The following LRRC4C variants were observed in gnomAD, a reference collection of about 807,000 sequenced individuals.
LRRC4C encodes leucine rich repeat containing 4C.
In LRRC4C, 5 loss-of-function variants were observed where a neutral mutation model predicts 33.6. The observed-to-expected ratio is 0.15, with a 90% CI of 0.08 to 0.31. The LOEUF (loss-of-function observed/expected upper bound fraction) is 0.31. LRRC4C is among the 10% of genes least tolerant of loss of function. The pLI is 1.00. For synonymous variants in LRRC4C, 329 were observed against 302.0 expected (o/e 1.09, Z -0.93); for missense variants, 560 against 796.7 (o/e 0.70, Z 3.58).
At chr11:41,130,826 G>T (rs932332011) in intron 1 of LRRC4C, among the ~76,000 whole-genome samples, 1 of 151,884 alleles carries the variant, frequency 6.6e-6, no homozygotes, top group Non-Finnish European at 1.5e-5. Flanking sequence ...TTACAAATTT[G>T]TTCCTCCACA....
chr11:40,940,998 A>C (rs2136588075), intron 1 of LRRC4C, among the ~76,000 whole-genome samples: 3 of 151,000 alleles, frequency 2.0e-5, no homozygotes, highest in African/African-American at 7.3e-5. Flanking sequence ...AAGATAATAT[A>C]TTTAAAAATT....
chr11:40,339,446 G>T (rs1174333269), intron 3 of LRRC4C, among the ~76,000 whole-genome samples: 1 of 152,198 alleles, frequency 6.6e-6, no homozygotes, highest in Admixed American at 6.5e-5. Context: ...CAGGGGTGTT[G>T]TATGAATTAA....
intron 5 of LRRC4C, among the ~76,000 whole-genome samples, chr11:40,237,261 A>ATCTTTCTTCTGC (rs1354329975): frequency 6.6e-6 from 1 of 152,200 alleles, no homozygotes; most frequent in Non-Finnish European, 1.5e-5. Context: ...CCCAATTCTC[A>ATCTTTCTTCTGC]TCTTTCTTCT....
At chr11:40,999,706 A>G (rs1158287381) in intron 1 of LRRC4C, among the ~76,000 whole-genome samples, 6 of 152,146 alleles carry the variant, frequency 3.9e-5, no homozygotes, top group African/African-American at 1.4e-4. Flanking sequence ...GCTGGACACT[A>G]TGTGAGTGAG....
intron 3 of LRRC4C, among the ~76,000 whole-genome samples, chr11:40,614,367 C>G (rs1010605687): frequency 6.6e-6 from 1 of 151,778 alleles, no homozygotes; most frequent in Non-Finnish European, 1.5e-5. Flanking sequence ...ATGAACCCAC[C>G]TCTGCTAGCT....
At chr11:41,156,854 G>T (rs915552606) in intron 1 of LRRC4C, among the ~76,000 whole-genome samples, 1 of 152,004 alleles carries the variant, frequency 6.6e-6, no homozygotes, top group Non-Finnish European at 1.5e-5. Flanking sequence ...GGATGTTTTT[G>T]TCCCCTTTAA....
intron 1 of LRRC4C, among the ~76,000 whole-genome samples, chr11:41,021,195 GA>G (rs1855947027): frequency 2.0e-5 from 3 of 149,086 alleles, no homozygotes; most frequent in African/African-American, 7.5e-5. Flanking sequence ...GAGAGAGAGA[GA>G]GAGAGAGAGA....
chr11:40,158,276 C>T (rs748229878), intron 5 of LRRC4C, among the ~76,000 whole-genome samples: 7 of 151,642 alleles, frequency 4.6e-5, no homozygotes, highest in African/African-American at 4.8e-5. Flanking sequence ...AGAGTGGAAG[C>T]GGGGATGAAG....
chr11:40,545,442 T>C (rs558344569), intron 3 of LRRC4C, among the ~76,000 whole-genome samples: 1 of 152,098 alleles, frequency 6.6e-6, no homozygotes, highest in African/African-American at 2.4e-5. Context: ...AAAAATATAA[T>C]ACATTTTCAA....
chr11:40,929,678 G>A (rs964553257), intron 2 of LRRC4C, among the ~76,000 whole-genome samples: 1 of 151,880 alleles, frequency 6.6e-6, no homozygotes, highest in Non-Finnish European at 1.5e-5. Flanking sequence ...GCAGTGGCGC[G>A]ATCTCGGCTC....
At chr11:41,186,034 C>T (rs539939796) in intron 1 of LRRC4C, among the ~76,000 whole-genome samples, 1 of 151,688 alleles carries the variant, frequency 6.6e-6, no homozygotes, top group East Asian at 1.9e-4. Context: ...TAAATAAACA[C>T]ATAGAAAAAA....
intron 1 of LRRC4C, among the ~76,000 whole-genome samples, chr11:41,306,190 T>C (rs35164966): frequency 2.0e-5 from 3 of 152,168 alleles, no homozygotes; most frequent in Admixed American, 2.0e-4. Context: ...GTAAAATTTG[T>C]CTTGTCTGGA....
intron 3 of LRRC4C, among the ~76,000 whole-genome samples, chr11:40,604,616 C>A (rs900697504): frequency 4.0e-5 from 6 of 151,788 alleles, no homozygotes; most frequent in Admixed American, 2.6e-4. Context: ...AGAGGACGTA[C>A]AAAATAATAA....
In LRRC4C at chr11:41,090,185, G is replaced by T. The variant is rs182590855; in HGVS notation, c.-495-156462C>A. ...AGTGAAAAGTCAGTGCCAGAAGAAT[G>T]TGCATAATATGAGTTATATAGGGAG... is the stretch of plus-strand genomic sequence containing the variant. On this transcript the variant is annotated intron_variant, in intron 1 of 6. Transcript: ENST00000528697. 2.6e-4 allele frequency among the ~76,000 whole-genome samples: 40 copies of T among 152,198 alleles called. No homozygotes were observed. The East Asian group carries it at 7.3e-3, about 28-fold the overall frequency.
intron 1 of LRRC4C, among the ~76,000 whole-genome samples, chr11:40,989,080 A>C (rs1486546519): frequency 6.6e-6 from 1 of 150,840 alleles, no homozygotes; most frequent in Admixed American, 6.6e-5. Flanking sequence ...TGAACATATC[A>C]CTCTTTTCTC....
chr11:41,067,725 G>A (rs572212772), intron 1 of LRRC4C, among the ~76,000 whole-genome samples: 1 of 152,226 alleles, frequency 6.6e-6, no homozygotes, highest in African/African-American at 2.4e-5. Context: ...ACAGTGCAAC[G>A]AAAATCAAAC....
intron 6 of LRRC4C, among the ~76,000 whole-genome samples, chr11:40,118,709 T>C (rs1855612056): frequency 6.6e-6 from 1 of 152,056 alleles, no homozygotes; most frequent in Admixed American, 6.6e-5. Flanking sequence ...ATCAAGAGAA[T>C]GGAAGGCCTG....
At chr11:40,634,438 C>G (rs1452962060) in intron 3 of LRRC4C, among the ~76,000 whole-genome samples, 1 of 152,104 alleles carries the variant, frequency 6.6e-6, no homozygotes, top group Non-Finnish European at 1.5e-5. Flanking sequence ...ATTGTTTCCT[C>G]AAATGATCTA....
chr11:40,926,949 A>G (rs533622600), intron 2 of LRRC4C, among the ~76,000 whole-genome samples: 1 of 152,154 alleles, frequency 6.6e-6, no homozygotes, highest in Admixed American at 6.6e-5. Context: ...TCATTAGGGG[A>G]CTTATATTTA....
Sources: allele counts gnomAD v4.1 joint callset (sites outside exome capture counted in the v4.1 genomes callset), GRCh38; gene constraint gnomAD v4.1.1; transcripts MANE v1.5; gene names NCBI Gene and HGNC (gene_info 2026-07-23, HGNC 2026-07-21).